The following MARCHF11 variants were observed in gnomAD, a reference collection of about 807,000 sequenced individuals.
MARCHF11 encodes the protein E3 ubiquitin-protein ligase MARCHF11.
A neutral mutation model predicts 37.3 loss-of-function variants in MARCHF11; 29 were observed. That is an observed-to-expected ratio of 0.78 (90% confidence interval 0.58 to 1.06). MARCHF11 has a LOEUF of 1.06. MARCHF11 is among the 50% of genes least tolerant of loss of function. The probability of loss-of-function intolerance (pLI) is 0.00; values close to 1 mark genes in which losing one functional copy is unlikely to be tolerated. For missense variants in MARCHF11, 482 were observed against 533.4 expected, an observed-to-expected ratio of 0.90 and a Z score of 0.95; for synonymous variants, 233 against 228.0, an observed-to-expected ratio of 1.02 and a Z score of -0.20.
At chr5:16,111,520 T>A (rs1362143422) in intron 2 of MARCHF11, among the ~76,000 whole-genome samples, 1 of 152,118 alleles carries the variant, frequency 6.6e-6, no homozygotes, top group African/African-American at 2.4e-5. Context: ...AGGAAGAAAT[T>A]TCTAAGCAGC....
intron 3 of MARCHF11, among the ~76,000 whole-genome samples, chr5:16,068,839 T>A (rs759126345): frequency 6.6e-6 from 1 of 152,196 alleles, no homozygotes; most frequent in African/African-American, 2.4e-5. Context: ...GAAAGTCCAC[T>A]GAAGTTGGTA....
intron 2 of MARCHF11, among the ~76,000 whole-genome samples, chr5:16,164,109 T>G (rs1321248075): frequency 2.0e-5 from 3 of 152,094 alleles, no homozygotes; most frequent in African/African-American, 7.2e-5. Flanking sequence ...ATTTATTAAA[T>G]TATCCAGTCT....
chr5:16,140,664 A>G (rs996431791), intron 2 of MARCHF11, among the ~76,000 whole-genome samples: 1 of 152,192 alleles, frequency 6.6e-6, no homozygotes, highest in South Asian at 2.1e-4. Context: ...ACACAAGGAA[A>G]CCACAAACTT....
intron 2 of MARCHF11, among the ~76,000 whole-genome samples, chr5:16,118,480 G>A (rs567210666): frequency 5.3e-5 from 8 of 152,312 alleles, no homozygotes; most frequent in Admixed American, 1.3e-4. Context: ...GCACTGAGAC[G>A]AGGAGATCGG....
intron 2 of MARCHF11, among the ~76,000 whole-genome samples, chr5:16,153,657 C>T (rs1346380807): frequency 1.3e-5 from 2 of 151,980 alleles, no homozygotes; most frequent in Non-Finnish European, 2.9e-5. Flanking sequence ...GAATTGGTTA[C>T]AGCAGAGAAT....
At chr5:16,089,658 G>GA (rs748595915) in intron 3 of MARCHF11, among the ~76,000 whole-genome samples, 1 of 150,118 alleles carries the variant, frequency 6.7e-6, no homozygotes, top group Non-Finnish European at 1.5e-5. Context: ...AATTCTTTTA[G>GA]AAAAAATGAC....
chr5:16,142,968 G>A (rs1390249341), intron 2 of MARCHF11, among the ~76,000 whole-genome samples: 3 of 128,360 alleles, frequency 2.3e-5, no homozygotes, highest in East Asian at 2.5e-4. Flanking sequence ...TTGAACTCCC[G>A]ACCTCAGGTG....
chr5:16,075,179 A>G (rs1357415771), intron 3 of MARCHF11, among the ~76,000 whole-genome samples: 2 of 152,242 alleles, frequency 1.3e-5, no homozygotes, highest in Non-Finnish European at 2.9e-5. Context: ...CAATTAAACC[A>G]GAAGCCTAGG....
intron 2 of MARCHF11, among the ~76,000 whole-genome samples, chr5:16,155,940 C>T (rs1737972074): frequency 6.6e-6 from 1 of 151,886 alleles, no homozygotes; most frequent in African/African-American, 2.4e-5. Flanking sequence ...CCCGAGCATA[C>T]TCGTAACTTC....
At chr5:16,145,657 C>G (rs1737784562) in intron 2 of MARCHF11, among the ~76,000 whole-genome samples, 1 of 151,906 alleles carries the variant, frequency 6.6e-6, no homozygotes. Flanking sequence ...TTGAAAAGAC[C>G]AGTCTCAATA....
intron 2 of MARCHF11, among the ~76,000 whole-genome samples, chr5:16,145,634 T>G (rs1737784318): frequency 6.6e-6 from 1 of 152,134 alleles, no homozygotes; most frequent in East Asian, 1.9e-4. Context: ...TGCTATATAA[T>G]AGGACACATG....
intron 2 of MARCHF11, among the ~76,000 whole-genome samples, chr5:16,105,991 A>C (rs1328902770): frequency 6.6e-6 from 1 of 152,182 alleles, no homozygotes; most frequent in Non-Finnish European, 1.5e-5. Context: ...TGGCATGGGA[A>C]ACAGAGGGGA....
chr5:16,151,584 A>G (rs145242773), intron 2 of MARCHF11, among the ~76,000 whole-genome samples: 2 of 140,068 alleles, frequency 1.4e-5, no homozygotes, highest in East Asian at 2.1e-4. Flanking sequence ...AAAACCTGAC[A>G]GCTTATAGTT....
intron 2 of MARCHF11, among the ~76,000 whole-genome samples, chr5:16,118,913 G>A (rs1382665646): frequency 6.6e-5 from 10 of 152,152 alleles, no homozygotes; most frequent in Non-Finnish European, 8.8e-5. Flanking sequence ...GAGAGTGGCT[G>A]GGAAAGGAGA....
chr5:16,143,681 CAG>C (rs1410748695), intron 2 of MARCHF11, among the ~76,000 whole-genome samples: 1 of 152,196 alleles, frequency 6.6e-6, no homozygotes, highest in East Asian at 1.9e-4. Flanking sequence ...CTGCCTAAAC[CAG>C]AGAGACTAGT....
At position 16,101,464 on chromosome 5, in the gene MARCHF11, TGCTA is replaced by T. The variant is rs536895002; in HGVS notation, c.694-10387_694-10384del. ...AATTGTGTCTCATAACAAAAGCAGGTGCTAGCTATTATTTAAAATCAGGGAAATC... is the reference window on the plus strand; with the variant it reads ...AATTGTGTCTCATAACAAAAGCAGGTGCTATTATTTAAAATCAGGGAAATC... On this transcript the variant is annotated intron_variant, in intron 2 of 3. Transcript: ENST00000332432. 1.3e-4 allele frequency among the ~76,000 whole-genome samples: 20 copies of T among 152,336 alleles called. 1 individual carries two copies. The South Asian group carries it at 4.1e-3, about 32-fold the overall frequency.
rs1370192049 is a variant in MARCHF11, at chr5:16,114,020, C to CTCTATGAGATCAACTTTTTCGCAA, written c.694-22940_694-22939insTTGCGAAAAAGTTGATCTCATAGA. Among the ~76,000 whole-genome samples, 529 of 152,254 alleles carry CTCTATGAGATCAACTTTTTCGCAA rather than the reference C, an allele frequency of 3.5e-3. 1 individual carries two copies. The highest frequency in any genetic ancestry group is 0.012 in the African/African-American group (510 of 41,558). On this transcript the variant is annotated intron_variant, in intron 2 of 3. Coordinates refer to ENST00000332432, the MANE Select transcript of MARCHF11 (RefSeq NM_001102562.3). The stretch of plus-strand genomic sequence containing the variant: ...TATGAGATCAACTTTTTCTAGCTCC[C>CTCTATGAGATCAACTTTTTCGCAA]CCATATGATTGCGAAAATGTGATAT...
chr5:16,083,565 T>C (rs574343921), intron 3 of MARCHF11, among the ~76,000 whole-genome samples: 4 of 152,174 alleles, frequency 2.6e-5, no homozygotes, highest in Admixed American at 1.3e-4. Flanking sequence ...GCAAACTCAT[T>C]TTTTTCTGCT....
At chr5:16,173,448 G>A (rs1738306078) in intron 2 of MARCHF11, among the ~76,000 whole-genome samples, 1 of 152,180 alleles carries the variant, frequency 6.6e-6, no homozygotes, top group Admixed American at 6.5e-5. Flanking sequence ...CTCCAATTAT[G>A]AGTAGACTCC....
Sources: allele counts gnomAD v4.1 joint callset (sites outside exome capture counted in the v4.1 genomes callset), GRCh38; gene constraint gnomAD v4.1.1; transcripts MANE v1.5; gene names NCBI Gene and HGNC (gene_info 2026-07-23, HGNC 2026-07-21).